Variants in KIF1B observed in about 807,000 individuals in gnomAD.
The protein encoded by KIF1B is kinesin-like protein KIF1B.
A neutral mutation model predicts 241.9 loss-of-function variants in KIF1B; 76 were observed. That is an observed-to-expected ratio of 0.31 (90% CI 0.26 to 0.38). KIF1B has a LOEUF of 0.38. KIF1B is among the 10% of genes least tolerant of loss of function. The probability of loss-of-function intolerance (pLI) is 1.00; values close to 1 mark genes in which losing one functional copy is unlikely to be tolerated. For synonymous variants in KIF1B, 750 were observed against 796.7 expected (o/e 0.94, Z 0.99); for missense variants, 1,622 against 2,271.4 (o/e 0.71, Z 5.81).
At chr1:10,214,076 A>G (rs1646730211) in intron 1 of KIF1B, among the ~76,000 whole-genome samples, 2 of 152,094 alleles carry the variant, frequency 1.3e-5, no homozygotes, top group African/African-American at 4.8e-5. Context: ...ACAGTGAGCT[A>G]AGACAGCGCC....
intron 37 of KIF1B, among the ~76,000 whole-genome samples, chr1:10,351,073 CAAAA>C (rs35072176): frequency 1.9e-5 from 2 of 104,636 alleles, no homozygotes; most frequent in East Asian, 3.0e-4. Context: ...AAGACCCTGT[CAAAA>C]AAAAAAAAAA....
chr1:10,372,664 CTG>C (rs1638774913), intron 45 of KIF1B, among the ~76,000 whole-genome samples: 4 of 122,358 alleles, frequency 3.3e-5, no homozygotes, highest in Non-Finnish European at 5.1e-5. Flanking sequence ...GGTGACAGAG[CTG>C]TCACCCAAGC....
intron 9 of KIF1B, among the ~76,000 whole-genome samples, chr1:10,272,785 A>C (rs1392221751): frequency 1.3e-5 from 2 of 151,820 alleles, no homozygotes; most frequent in Non-Finnish European, 2.9e-5. Context: ...GTAAAACTAA[A>C]ACTATTTTTT....
intron 1 of KIF1B, among the ~76,000 whole-genome samples, chr1:10,219,370 G>T (rs1326157695): frequency 6.6e-6 from 1 of 152,060 alleles, no homozygotes; most frequent in Non-Finnish European, 1.5e-5. Context: ...TGAGGCAAGA[G>T]AATCACTTGA....
At chr1:10,375,786 G>GTTTT (rs201620952) in intron 48 of KIF1B, among the ~76,000 whole-genome samples, 22 of 69,572 alleles carry the variant, frequency 3.2e-4, no homozygotes, top group Non-Finnish European at 3.9e-4. Flanking sequence ...TTCTTTTCTT[G>GTTTT]TTTTTTTTTT....
chr1:10,276,527 C>T, intron 12 of KIF1B, 128 bp downstream of exon 12: 1 of 717,538 alleles, frequency 1.4e-6, no homozygotes, highest in Non-Finnish European at 2.5e-6. Flanking sequence ...CCTCTCATAA[C>T]AGGGAAAACT....
At chr1:10,295,252 A>C in intron 18 of KIF1B, 87 bp downstream of exon 18, 1 of 843,562 alleles carries the variant, frequency 1.2e-6, no homozygotes, top group Non-Finnish European at 2.1e-6. Flanking sequence ...TGAAAAAATT[A>C]ACGTAATGAT....
Position 10,372,167 on chromosome 1 carries a change from G to T in KIF1B, c.4946+905G>T, listed in dbSNP as rs191400157. Reference sequence around the variant, plus strand: ...TGCCACAGACTGTAGGGACTATTCTGTGCCACTAAGAGAAGAAGAAAAAGC... The same window carrying T: ...TGCCACAGACTGTAGGGACTATTCTTTGCCACTAAGAGAAGAAGAAAAAGC... On this transcript the variant is annotated intron_variant, in intron 45 of 48. Transcript: ENST00000676179. Among the ~76,000 whole-genome samples, 226 of 152,270 alleles carry T rather than the reference G, an allele frequency of 1.5e-3. 1 individual carries two copies. The highest frequency in any genetic ancestry group is 4.9e-3 in the African/African-American group (204 of 41,550).
At chr1:10,276,238 A>T in intron 11 of KIF1B, 83 bp from the exon 12 acceptor site, 1 of 908,590 alleles carries the variant, frequency 1.1e-6, no homozygotes, top group Admixed American at 1.9e-5. Flanking sequence ...AGGATCTGAG[A>T]TTACAATATC....
At chr1:10,276,618 AT>A (rs1489659333) in intron 12 of KIF1B, among the ~76,000 whole-genome samples, 1 of 152,080 alleles carries the variant, frequency 6.6e-6, no homozygotes, top group Non-Finnish European at 1.5e-5. Context: ...TGAACTTTTT[AT>A]TTTTTTATCC....
At chr1:10,261,373 C>T (rs1376596201) in intron 4 of KIF1B, among the ~76,000 whole-genome samples, 2 of 151,228 alleles carry the variant, frequency 1.3e-5, no homozygotes, top group African/African-American at 2.4e-5. Context: ...TGGGTTCAAG[C>T]GATTCTCCTG....
At chr1:10,276,870 C>A (rs1213284952) in intron 12 of KIF1B, among the ~76,000 whole-genome samples, 1 of 152,142 alleles carries the variant, frequency 6.6e-6, no homozygotes, top group Non-Finnish European at 1.5e-5. Context: ...CACTTGAGGT[C>A]AGGAGTTTGA....
intron 2 of KIF1B, among the ~76,000 whole-genome samples, chr1:10,233,092 T>TTTCAG (rs1387015873): frequency 6.6e-6 from 1 of 152,206 alleles, no homozygotes; most frequent in Non-Finnish European, 1.5e-5. Context: ...ATCGTCACCC[T>TTTCAG]TTCAGGCACA....
At position 10,352,746 on chromosome 1, in the gene KIF1B, C is replaced by T. The variant is rs559939407; in HGVS notation, c.4055+10C>T. The stretch of plus-strand genomic sequence containing the variant: ...CCCACAACTCTAGCAGGTGGGACAC[C>T]CAGAGCAGTGTGAAGAAGTCCACAC... On this transcript the variant is annotated intron_variant, in intron 38 of 48. Coordinates refer to ENST00000676179, the MANE Select transcript of KIF1B (RefSeq NM_001365951.3). The T allele has an allele frequency of 1.1e-5, 18 of 1,599,524 alleles. No individual in the cohort carries two copies. The South Asian group carries it at 1.9e-4, about 17-fold the overall frequency.
At chr1:10,356,999 C>A (rs1475891711) in intron 38 of KIF1B, among the ~76,000 whole-genome samples, 1 of 152,178 alleles carries the variant, frequency 6.6e-6, no homozygotes, top group Non-Finnish European at 1.5e-5. Context: ...CCCTCCTCAG[C>A]CTCCCGAATA....
Position 10,282,365 on chromosome 1 carries a change from C to G in KIF1B, c.1266C>G (p.Ala422=). Residue 422 remains alanine, a synonymous_variant, in exon 15 of 49, where the codon GCC becomes GCG. Transcript: ENST00000676179. The stretch of plus-strand genomic sequence containing the variant: ...ACAATAAGCATAGATACTTGCTAGC[C>G]TCTGAGAATCAACGCCCTGGCCATT... ...FQNNKHRYLL[A]SENQRPGHFS... 6.2e-7 allele frequency: 1 copy of G among 1,614,140 alleles called. No individual in the cohort carries two copies. The highest frequency in any genetic ancestry group is 8.5e-7 in the Non-Finnish European group (1 of 1,180,020).
chr1:10,291,990 G>A, intron 16 of KIF1B, 57 bp from the exon 17 acceptor site: 1 of 1,427,778 alleles, frequency 7.0e-7, no homozygotes, highest in Non-Finnish European at 9.9e-7. Flanking sequence ...ATTCATATTA[G>A]ACTGATTTAA....
chr1:10,333,145 G>T (rs36186585), intron 27 of KIF1B, among the ~76,000 whole-genome samples: 2 of 151,114 alleles, frequency 1.3e-5, no homozygotes, highest in Non-Finnish European at 2.9e-5. Context: ...ACAATAAATG[G>T]CCAGGCACGG....
intron 37 of KIF1B, 47 bp downstream of exon 37, chr1:10,348,780 T>G: frequency 2.6e-6 from 1 of 385,638 alleles, no homozygotes; most frequent in Non-Finnish European, 3.8e-6. Flanking sequence ...CTTACAGAGA[T>G]TTTTTTTTTT....
Sources: allele counts gnomAD v4.1 joint callset (sites outside exome capture counted in the v4.1 genomes callset), GRCh38; gene constraint gnomAD v4.1.1; transcripts MANE v1.5; gene names NCBI Gene and HGNC (gene_info 2026-07-23, HGNC 2026-07-21).